SNX3: variants seen among roughly 807,000 people sequenced by gnomAD.
SNX3 encodes the protein sorting nexin-3.
Under a neutral mutation model 17.7 loss-of-function variants are expected in SNX3, and 5 were observed. The observed-to-expected ratio is 0.28, with a 90% CI of 0.15 to 0.59. The LOEUF (loss-of-function observed/expected upper bound fraction) is 0.59. Ranked by LOEUF, SNX3 falls within the 20% of genes least tolerant of loss-of-function variation. SNX3 has a pLI of 0.88. For missense variants in SNX3, 132 were observed against 206.8 expected (o/e 0.64, Z 2.22); for synonymous variants, 91 against 76.5 (o/e 1.19, Z -0.99).
rs556434459 is a variant in SNX3 at position 108,231,736 on chromosome 6, G to A, written c.163-8691C>T. ...CATTTAGAATTTGCCTAGCTAATTC[G>A]AACTTACAGAACTATCAGACCACAA... On this transcript the variant is annotated intron_variant, in intron 1 of 3. Coordinates refer to ENST00000230085, the MANE Select transcript of SNX3 (RefSeq NM_003795.6). 2.0e-5 allele frequency among the ~76,000 whole-genome samples: 3 copies of A among 152,134 alleles called. No homozygotes were observed. In the East Asian group the frequency reaches 5.8e-4, roughly 29 times the overall value.
At chr6:108,221,825 G>A (rs1209466311) in intron 2 of SNX3, among the ~76,000 whole-genome samples, 1 of 152,148 alleles carries the variant, frequency 6.6e-6, no homozygotes, top group Non-Finnish European at 1.5e-5. Flanking sequence ...GATTACAGGC[G>A]TAAGCCACTG....
Position 108,213,569 on chromosome 6 carries a change from T to C in SNX3, c.383+929A>G, listed in dbSNP as rs150576739. ...CAGGTGGCTGAGGCATGAGAATCAC[T>C]TGAACCTGGGAGGTGGAGGTTTCAC... On this transcript the variant is annotated intron_variant, in intron 3 of 3. Coordinates refer to ENST00000230085, the MANE Select transcript of SNX3 (RefSeq NM_003795.6). Among the ~76,000 whole-genome samples the C allele has an allele frequency of 3.0e-3, 451 of 151,846 alleles. 8 individuals are homozygous for C. The highest frequency in any genetic ancestry group is 4.5e-3 in the African/African-American group (186 of 41,374).
intron 1 of SNX3, among the ~76,000 whole-genome samples, chr6:108,258,887 T>C (rs1421026286): frequency 6.6e-6 from 1 of 152,106 alleles, no homozygotes; most frequent in Non-Finnish European, 1.5e-5. Context: ...ATTAAATTAT[T>C]ATACTAGAAC....
intron 1 of SNX3, among the ~76,000 whole-genome samples, chr6:108,242,497 G>A (rs1375361398): frequency 6.6e-6 from 1 of 152,110 alleles, no homozygotes; most frequent in Non-Finnish European, 1.5e-5. Flanking sequence ...TGGAGACAAG[G>A]AAGCAACAGC....
At chr6:108,231,274 A>G (rs1189720558) in intron 1 of SNX3, among the ~76,000 whole-genome samples, 1 of 152,078 alleles carries the variant, frequency 6.6e-6, no homozygotes, top group Admixed American at 6.6e-5. Context: ...TTTAGTAGAG[A>G]CGGGGTTTCA....
At chr6:108,214,947 C>G (rs1241683346) in intron 2 of SNX3, among the ~76,000 whole-genome samples, 7 of 152,214 alleles carry the variant, frequency 4.6e-5, no homozygotes, top group African/African-American at 1.7e-4. Flanking sequence ...ACTTGTGATG[C>G]CACTTGGAGA....
intron 2 of SNX3, among the ~76,000 whole-genome samples, chr6:108,218,967 A>G (rs1774669922): frequency 6.6e-6 from 1 of 152,212 alleles, no homozygotes; most frequent in Non-Finnish European, 1.5e-5. Context: ...TGGTTGCACA[A>G]CTCTGTGAAC....
At chr6:108,212,882 CTTTTTTTTTTT>C (rs776376957) in intron 3 of SNX3, among the ~76,000 whole-genome samples, 16 of 118,964 alleles carry the variant, frequency 1.3e-4, no homozygotes, top group Admixed American at 1.1e-3. Flanking sequence ...TCCTAAGAAT[CTTTTTTTTTTT>C]TTTTTTTTTT....
intron 2 of SNX3, among the ~76,000 whole-genome samples, chr6:108,215,622 C>T (rs1345098535): frequency 6.6e-6 from 1 of 152,116 alleles, no homozygotes; most frequent in Non-Finnish European, 1.5e-5. Context: ...CTGATCTCTC[C>T]CTTCTGGGAA....
chr6:108,229,961 A>T (rs543763407), intron 1 of SNX3, among the ~76,000 whole-genome samples: 1 of 152,320 alleles, frequency 6.6e-6, no homozygotes, highest in South Asian at 2.1e-4. Context: ...CAGAAGTAGA[A>T]GCCACAGATG....
At chr6:108,253,683 T>A (rs1238527892) in intron 1 of SNX3, among the ~76,000 whole-genome samples, 2 of 152,196 alleles carry the variant, frequency 1.3e-5, no homozygotes, top group African/African-American at 4.8e-5. Context: ...TCTATTTTTT[T>A]AATCCCATCA....
intron 1 of SNX3, among the ~76,000 whole-genome samples, chr6:108,226,693 G>A (rs1774982869): frequency 6.6e-6 from 1 of 152,158 alleles, no homozygotes; most frequent in South Asian, 2.1e-4. Flanking sequence ...AATGCTACTG[G>A]TAAGTAGCTG....
intron 2 of SNX3, among the ~76,000 whole-genome samples, chr6:108,220,544 C>T (rs909440979): frequency 2.6e-5 from 4 of 152,244 alleles, no homozygotes; most frequent in African/African-American, 7.2e-5. Context: ...TAGTAGGCTA[C>T]ACCACCTGGG....
intron 1 of SNX3, among the ~76,000 whole-genome samples, chr6:108,245,007 T>C (rs1399728771): frequency 6.6e-6 from 1 of 152,110 alleles, no homozygotes; most frequent in Admixed American, 6.6e-5. Flanking sequence ...GTTTGTTACA[T>C]AGGTATACAT....
intron 1 of SNX3, among the ~76,000 whole-genome samples, chr6:108,254,710 C>T (rs1219664837): frequency 1.3e-5 from 2 of 152,168 alleles, no homozygotes; most frequent in African/African-American, 4.8e-5. Flanking sequence ...AAATTTATTC[C>T]TAACAAAGCT....
intron 1 of SNX3, among the ~76,000 whole-genome samples, chr6:108,224,320 G>C (rs994116692): frequency 1.3e-5 from 2 of 151,976 alleles, no homozygotes; most frequent in Non-Finnish European, 2.9e-5. Flanking sequence ...TCGCTCTGTC[G>C]CCCAGGCTGT....
At chr6:108,232,523 G>C (rs1372359190) in intron 1 of SNX3, among the ~76,000 whole-genome samples, 1 of 152,126 alleles carries the variant, frequency 6.6e-6, no homozygotes, top group African/African-American at 2.4e-5. Flanking sequence ...ATCACTGATA[G>C]CCAAGCAGAA....
intron 1 of SNX3, among the ~76,000 whole-genome samples, chr6:108,223,497 CTTTTTTTTTTTTTT>C (rs59920022): frequency 0.46 from 51,422 of 110,856 alleles, 10,902 homozygotes; most frequent in East Asian, 0.68. Context: ...TTTGCTAGTT[CTTTTTTTTTTTTTT>C]TTTTTTTTTT....
At chr6:108,219,573 C>A (rs889358439) in intron 2 of SNX3, among the ~76,000 whole-genome samples, 1 of 152,112 alleles carries the variant, frequency 6.6e-6, no homozygotes, top group Admixed American at 6.5e-5. Flanking sequence ...ATCACGCCAC[C>A]GCATTTCAGC....
Sources: gnomAD v4.1 joint callset for allele counts (sites outside exome capture counted in the v4.1 genomes callset) on GRCh38, gnomAD v4.1.1 for gene constraint, MANE v1.5 for transcripts, NCBI Gene and HGNC (gene_info 2026-07-23, HGNC 2026-07-21) for gene names.